Variants in PABPC4L observed in about 807,000 individuals in gnomAD.
PABPC4L encodes the protein polyadenylate-binding protein 4-like.
For synonymous variants in PABPC4L, 169 were observed against 164.1 expected, an observed-to-expected ratio of 1.03 and a Z score of -0.23; for missense variants, 452 against 451.4, an observed-to-expected ratio of 1.00 and a Z score of -0.01.
chr4:134,140,650 G>A, the PABPC4L span, among the ~76,000 whole-genome samples: 4 of 151,516 alleles, frequency 2.6e-5, no homozygotes, highest in Admixed American at 2.6e-4. Flanking sequence ...ATAAATGTAG[G>A]GATTTTTAAT....
chr4:134,093,513 T>C, the PABPC4L span, among the ~76,000 whole-genome samples: 1 of 151,472 alleles, frequency 6.6e-6, no homozygotes, highest in Non-Finnish European at 1.5e-5. Flanking sequence ...ATAGTCTTCG[T>C]AGTGATACAT....
At chr4:133,965,599 G>A in the PABPC4L span, among the ~76,000 whole-genome samples, 4 of 152,176 alleles carry the variant, frequency 2.6e-5, no homozygotes, top group African/African-American at 9.6e-5. Context: ...AAACAGCATG[G>A]CACTGATACA....
At chr4:134,022,856 GT>G in the PABPC4L span, among the ~76,000 whole-genome samples, 2 of 151,388 alleles carry the variant, frequency 1.3e-5, no homozygotes, top group Admixed American at 6.6e-5. Context: ...TGCTTATTAT[GT>G]TCTTTATTTT....
the PABPC4L span, among the ~76,000 whole-genome samples, chr4:134,140,614 T>G: frequency 6.6e-6 from 1 of 151,824 alleles, no homozygotes; most frequent in Admixed American, 6.6e-5. Context: ...AAATGTTGCT[T>G]AATTAGTTGT....
At chr4:134,017,762 CT>C in the PABPC4L span, among the ~76,000 whole-genome samples, 513 of 152,100 alleles carry the variant, frequency 3.4e-3, 5 homozygotes, top group African/African-American at 0.012. Context: ...AATGTTTCTT[CT>C]AAAAACCCCA....
chr4:133,949,237 T>C, the PABPC4L span, among the ~76,000 whole-genome samples: 1 of 152,190 alleles, frequency 6.6e-6, no homozygotes, highest in Non-Finnish European at 1.5e-5. Flanking sequence ...CTTTCCCCAA[T>C]AGCAGCCCAT....
At chr4:134,050,706 C>CAAAAAAAAAAAAAA in the PABPC4L span, among the ~76,000 whole-genome samples, 658 of 82,808 alleles carry the variant, frequency 7.9e-3, 4 homozygotes, top group Non-Finnish European at 0.012. Context: ...CACCGTCTCC[C>CAAAAAAAAAAAAAA]AAAAAAAAAA....
At chr4:134,185,806 T>A in the PABPC4L span, among the ~76,000 whole-genome samples, 1 of 152,046 alleles carries the variant, frequency 6.6e-6, no homozygotes, top group East Asian at 1.9e-4. Flanking sequence ...CAACCCAAAA[T>A]CTCCTTAAGC....
chr4:133,967,709 A>G, the PABPC4L span, among the ~76,000 whole-genome samples: 3 of 152,316 alleles, frequency 2.0e-5, no homozygotes, highest in South Asian at 2.1e-4. Context: ...TTAACTGCCA[A>G]ATATTCTTAC....
At chr4:133,962,382 A>G in the PABPC4L span, among the ~76,000 whole-genome samples, 1 of 152,242 alleles carries the variant, frequency 6.6e-6, no homozygotes, top group Non-Finnish European at 1.5e-5. Context: ...AATCCAAAAA[A>G]CAATGCAAGA....
chr4:134,119,732 C>G, the PABPC4L span, among the ~76,000 whole-genome samples: 1 of 151,642 alleles, frequency 6.6e-6, no homozygotes, highest in South Asian at 2.1e-4. Context: ...TCATTATGTT[C>G]TCCAAAATAT....
the PABPC4L span, among the ~76,000 whole-genome samples, chr4:134,150,382 C>A: frequency 6.6e-6 from 1 of 152,066 alleles, no homozygotes; most frequent in Non-Finnish European, 1.5e-5. Flanking sequence ...CCGTGCCCTG[C>A]ATATTATATG....
the PABPC4L span, among the ~76,000 whole-genome samples, chr4:134,089,697 GA>G: frequency 6.6e-6 from 1 of 151,854 alleles, no homozygotes; most frequent in Non-Finnish European, 1.5e-5. Flanking sequence ...AACTTGAATT[GA>G]AAATACAGTA....
chr4:134,001,824 A>G, the PABPC4L span, among the ~76,000 whole-genome samples: 1 of 152,116 alleles, frequency 6.6e-6, no homozygotes, highest in Non-Finnish European at 1.5e-5. Context: ...TATAGTAACC[A>G]ATGTGTGTTC....
chr4:134,192,064 T>C (rs1729525586), downstream of PABPC4L, among the ~76,000 whole-genome samples: 1 of 152,094 alleles, frequency 6.6e-6, no homozygotes, highest in Non-Finnish European at 1.5e-5. Context: ...TAAAATCCTG[T>C]ACTTGAATGT....
At chr4:134,139,607 G>A in the PABPC4L span, among the ~76,000 whole-genome samples, 23 of 151,934 alleles carry the variant, frequency 1.5e-4, no homozygotes, top group Non-Finnish European at 3.2e-4. Context: ...AAACAAAATA[G>A]ATACATGTAC....
At chr4:134,023,462 T>G in the PABPC4L span, among the ~76,000 whole-genome samples, 3 of 152,116 alleles carry the variant, frequency 2.0e-5, no homozygotes, top group Admixed American at 2.0e-4. Flanking sequence ...TGGAAAAGTA[T>G]TATAAAAGTG....
the PABPC4L span, among the ~76,000 whole-genome samples, chr4:134,120,845 G>T: frequency 6.6e-6 from 1 of 150,792 alleles, no homozygotes; most frequent in South Asian, 2.1e-4. Flanking sequence ...TATTCTTTTT[G>T]GCATCGGTAG....
chr4:134,014,293 G>A, the PABPC4L span, among the ~76,000 whole-genome samples: 1 of 152,156 alleles, frequency 6.6e-6, no homozygotes, highest in African/African-American at 2.4e-5. Context: ...AGTAGAGGCA[G>A]CCAAGTAGCA....
Sources: gnomAD v4.1 joint callset for allele counts (sites outside exome capture counted in the v4.1 genomes callset) on GRCh38, gnomAD v4.1.1 for gene constraint, MANE v1.5 for transcripts, NCBI Gene and HGNC (gene_info 2026-07-23, HGNC 2026-07-21) for gene names.